The following ACO2 variants were observed in gnomAD, a reference collection of about 807,000 sequenced individuals.
ACO2 encodes the protein aconitate hydratase, mitochondrial.
ACO2 carries 31 observed loss-of-function variants against 84.5 expected under a neutral mutation model. The ratio of observed to expected loss-of-function variants is 0.37; its 90% CI spans 0.28 to 0.50. ACO2 has a LOEUF of 0.50. ACO2 is among the 20% of genes least tolerant of loss of function. The pLI, the probability that ACO2 is intolerant of heterozygous loss-of-function variation, is 0.97. For synonymous variants in ACO2, 414 were observed against 412.7 expected, an observed-to-expected ratio of 1.00 and a Z score of -0.04; for missense variants, 685 against 1,029.3, an observed-to-expected ratio of 0.67 and a Z score of 4.58.
At chr22:41,484,104 G>C (rs544281255) in intron 1 of ACO2, among the ~76,000 whole-genome samples, 2 of 152,312 alleles carry the variant, frequency 1.3e-5, no homozygotes, top group East Asian at 1.9e-4. Flanking sequence ...GTTGGGACTT[G>C]AGTCCTGGTT....
At chr22:41,523,301 A>G (rs2146135496) in intron 11 of ACO2, 23 bp downstream of exon 11, 2 of 1,581,806 alleles carry the variant, frequency 1.3e-6, no homozygotes, top group East Asian at 2.2e-5. Flanking sequence ...TCTTTTGACA[A>G]GACAGCCCCT....
rs774364288 is a variant in ACO2 at position 41,526,385 on chromosome 22, G to C, written c.1885G>C (p.Ala629Pro). The C allele has an allele frequency of 1.2e-6, 2 of 1,613,824 alleles. No individual in the cohort carries two copies. The highest frequency in any genetic ancestry group is 1.7e-6 in the Non-Finnish European group (2 of 1,180,028). ...TGCCATCAACATTGAAAACGGCAAG[G>C]CCAACTCCGTGCGCAATGCCGTCAC... is the stretch of plus-strand genomic sequence containing the variant. ...IGAINIENGK[A>P]NSVRNAVTQE... The change falls in exon 15 of 18, where the codon GCC (alanine) becomes CCC (proline). Residue 629 changes from alanine to proline, a missense_variant. Coordinates refer to ENST00000216254, the MANE Select transcript of ACO2 (RefSeq NM_001098.3).
In ACO2 at chr22:41,518,585, T is replaced by C. The variant is rs1244664330; in HGVS notation, c.1032+13T>C. On this transcript the variant is annotated intron_variant, in intron 8 of 17. Coordinates refer to ENST00000216254, the MANE Select transcript of ACO2 (RefSeq NM_001098.3). ...TAACCTCAGTGAGGTGAGGAGACAA[T>C]TAACTGGGTTCAAGAAGTTTCTGAG... The C allele has an allele frequency of 2.5e-6, 4 of 1,602,404 alleles. No homozygotes were observed. The highest frequency in any genetic ancestry group is 4.5e-5 in the East Asian group (2 of 44,792).
intron 6 of ACO2, 53 bp from the exon 7 acceptor site, chr22:41,517,474 G>T (rs541768137): frequency 6.7e-7 from 1 of 1,499,864 alleles, no homozygotes; most frequent in South Asian, 1.1e-5. Context: ...TAGCAGGTGT[G>T]TGGGACCCTG....
intron 1 of ACO2, among the ~76,000 whole-genome samples, chr22:41,494,893 CCTG>C (rs2066302293): frequency 6.6e-6 from 1 of 150,914 alleles, no homozygotes. Flanking sequence ...GCCACCACAC[CCTG>C]CTAATTTTTG....
chr22:41,515,272 T>G lies in ACO2; in HGVS notation c.526-105T>G, dbSNP rs1569017193. The G allele has an allele frequency of 7.3e-7, 1 of 1,363,226 alleles. No homozygotes were observed. Among genetic ancestry groups the G allele is most frequent in the South Asian group, 1.2e-5 (1 of 83,838 alleles). The allele number at this position is 1,363,226 out of a possible 1,614,324, so 84.4% of individuals were successfully genotyped here. On this transcript the variant is annotated intron_variant, in intron 4 of 17. Coordinates refer to ENST00000216254, the MANE Select transcript of ACO2 (RefSeq NM_001098.3). The surrounding 1 kb of genome is among the most constrained non-coding windows in gnomAD (Gnocchi z 5.8). The stretch of plus-strand genomic sequence containing the variant: ...GGGGCTGCTCCTACCAGTTCCATCC[T>G]GGGAGAGTGGCTGGACGTGGTTGGG...
Position 41,526,321 on chromosome 22 carries a change from TG to T in ACO2, c.1824del (p.His609ThrfsTer51). The T allele has an allele frequency of 6.2e-7, 1 of 1,612,954 alleles. No homozygotes were observed. The highest frequency in any genetic ancestry group is 1.3e-5 in the African/African-American group (1 of 75,034). On this transcript the variant is annotated frameshift_variant, in exon 15 of 18. Coordinates refer to ENST00000216254, the MANE Select transcript of ACO2 (RefSeq NM_001098.3). LOFTEE classifies it high-confidence loss of function. ...CTGCTGGCCCCTGGCTCAAGTTCCGTGGGCACTTGGATAACATCTCCAACAA... is the reference window on the plus strand; with the variant it reads ...CTGCTGGCCCCTGGCTCAAGTTCCGTGGCACTTGGATAACATCTCCAACAA... ...SAAGPWLKFRGHLDNISNNLL... is the reference protein window; with the variant it reads ...SAAGPWLKFRXHLDNISNNLL...
chr22:41,527,357 G>T lies in ACO2; in HGVS notation c.2023G>T (p.Ala675Ser). The change falls in exon 16 of 18, where the codon GCT becomes TCT. Residue 675 changes from alanine (A) to serine (S), a missense_variant. Physicochemically the swap from Ala to Ser is moderately conservative, Grantham distance 99 (BLOSUM62 1). Around this residue, in one of 5 missense-constraint regions of ACO2, gnomAD observed 174 missense variants for 236.6 expected, o/e 0.74. Coordinates refer to ENST00000216254, the MANE Select transcript of ACO2 (RefSeq NM_001098.3). ...CGAGGGCTCGAGCCGGGAGCATGCAGCTCTGGAGCCTCGCCACCTTGGGGG... is the reference window on the plus strand; with the variant it reads ...CGAGGGCTCGAGCCGGGAGCATGCATCTCTGGAGCCTCGCCACCTTGGGGG... ...YGEGSSREHA[A>S]LEPRHLGGRA... is the part of the protein sequence containing the mutation. 6.2e-7 allele frequency: 1 copy of T among 1,614,120 alleles called. No individual in the cohort carries two copies. The highest frequency in any genetic ancestry group is 1.3e-5 in the African/African-American group (1 of 75,060).
chr22:41,470,776 C>G (rs2037937188), intron 1 of ACO2, among the ~76,000 whole-genome samples: 1 of 152,082 alleles, frequency 6.6e-6, no homozygotes. Flanking sequence ...CTCCTGACCT[C>G]AAGTAATCGG....
At chr22:41,471,850 G>C (rs1030755161) in intron 1 of ACO2, among the ~76,000 whole-genome samples, 1 of 152,222 alleles carries the variant, frequency 6.6e-6, no homozygotes, top group African/African-American at 2.4e-5. Context: ...TTATGGTTGA[G>C]AGCATGGACT....
At chr22:41,495,013 C>T (rs1175801256) in intron 1 of ACO2, among the ~76,000 whole-genome samples, 2 of 151,446 alleles carry the variant, frequency 1.3e-5, no homozygotes, top group Non-Finnish European at 2.9e-5. Context: ...GAATTATAGG[C>T]GTGAGTCTCC....
rs769265073 is a variant in ACO2, at chr22:41,469,162, C to A, written c.16C>A (p.Leu6Ile). 1 of 1,609,624 alleles carries A rather than the reference C, an allele frequency of 6.2e-7. No individual in the cohort carries two copies. Among genetic ancestry groups the A allele is most frequent in the Admixed American group, 1.7e-5 (1 of 59,546 alleles). MAPYS[L>I]LVTRLQKALG... ...AGTGCACAAAATGGCGCCCTACAGCCTACTGGTGACTCGGCTGCAGGTGAG... is the reference window on the plus strand; with the variant it reads ...AGTGCACAAAATGGCGCCCTACAGCATACTGGTGACTCGGCTGCAGGTGAG... The change falls in exon 1 of 18, where the codon CTA (leucine) becomes ATA (isoleucine). Residue 6 changes from leucine (L) to isoleucine (I), a missense_variant. This residue lies in a region of ACO2 where 98 missense variants were observed against 107.6 expected (regional missense o/e 0.91). Transcript: ENST00000216254.
intron 3 of ACO2, among the ~76,000 whole-genome samples, chr22:41,511,080 ATTG>A (rs1355439001): frequency 1.3e-5 from 2 of 152,130 alleles, no homozygotes. Flanking sequence ...ATCTCGGCTC[ATTG>A]CAGCCTTGAA....
chr22:41,474,125 G>T (rs1228045606), intron 1 of ACO2, among the ~76,000 whole-genome samples: 1 of 151,926 alleles, frequency 6.6e-6, no homozygotes, highest in Non-Finnish European at 1.5e-5. Flanking sequence ...CTAGGGATCT[G>T]GGGGGTGGAG....
intron 1 of ACO2, among the ~76,000 whole-genome samples, chr22:41,480,884 T>C (rs1351707448): frequency 1.3e-5 from 2 of 152,258 alleles, no homozygotes; most frequent in East Asian, 1.9e-4. Context: ...GGCTCGATCT[T>C]GGCTCACAGC....
At chr22:41,507,675 C>G in intron 2 of ACO2, 116 bp from the exon 3 acceptor site, 1 of 1,428,566 alleles carries the variant, frequency 7.0e-7, no homozygotes, top group Non-Finnish European at 9.4e-7. Flanking sequence ...GTCCTGAGTT[C>G]AGACTCCCTG....
intron 6 of ACO2, among the ~76,000 whole-genome samples, chr22:41,516,371 C>T (rs1249222334): frequency 6.6e-6 from 1 of 152,238 alleles, no homozygotes; most frequent in Non-Finnish European, 1.5e-5. Context: ...GATTAGAGAT[C>T]GGTGCCTGTC....
Position 41,507,785 on chromosome 22 carries a change from C to A in ACO2, c.174-6C>A. 6.2e-7 allele frequency: 1 copy of A among 1,612,326 alleles called. No individual in the cohort carries two copies. Among genetic ancestry groups the A allele is most frequent in the Non-Finnish European group, 8.5e-7 (1 of 1,178,918 alleles). On this transcript the variant is annotated splice_polypyrimidine_tract_variant and splice_region_variant and intron_variant, in intron 2 of 17. Transcript: ENST00000216254. Reference sequence around the variant, plus strand: ...CCAGGCCACCCTTCTGCTCTTCTCCCCACAGACTGAACCGGCCGCTGACAC... The same window carrying A: ...CCAGGCCACCCTTCTGCTCTTCTCCACACAGACTGAACCGGCCGCTGACAC...
chr22:41,524,857 C>G lies in ACO2; in HGVS notation c.1494C>G (p.Ala498=). The change falls in exon 13 of 18, where the codon GCC becomes GCG. Residue 498 remains alanine, a synonymous_variant. Transcript: ENST00000216254. ...AFVTSPEIVT[A]LAIAGTLKFN... ...CACCTCCATTTCAGATTGTCACAGC[C>G]CTGGCCATTGCGGGAACCCTCAAGT... 6.2e-7 allele frequency: 1 copy of G among 1,614,206 alleles called. No homozygotes were observed.
Sources: gnomAD v4.1 joint callset for allele counts (sites outside exome capture counted in the v4.1 genomes callset) on GRCh38, gnomAD v4.1.1 for gene constraint, gnomAD v4.1.1 regional missense constraint, Gnocchi (gnomAD v3.1) non-coding constraint, MANE v1.5 for transcripts, NCBI Gene and HGNC (gene_info 2026-07-23, HGNC 2026-07-21) for gene names.